The following FAM107B variants were observed in gnomAD, a reference collection of about 807,000 sequenced individuals.
FAM107B encodes family with sequence similarity 107 member B, also known as protein FAM107B.
A neutral mutation model predicts 31.5 loss-of-function variants in FAM107B; 21 were observed. The observed-to-expected ratio is 0.67, with a 90% CI of 0.47 to 0.96. The LOEUF is 0.96. FAM107B is among the 40% of genes least tolerant of loss of function. The pLI is 0.00. For missense variants in FAM107B, 452 were observed against 377.1 expected (o/e 1.20, Z -1.64); for synonymous variants, 157 against 141.5 (o/e 1.11, Z -0.78).
At chr10:14,534,921 G>C (rs929646595) in intron 2 of FAM107B, 11 of 152,226 alleles carry the variant, frequency 7.2e-5, no homozygotes, top group Non-Finnish European at 1.6e-4. Flanking sequence ...GCTAACGACA[G>C]AGGGTGTCCC....
intron 1 of FAM107B, among the ~76,000 whole-genome samples, chr10:14,686,580 C>A (rs1336063308): frequency 6.6e-6 from 1 of 152,148 alleles, no homozygotes; most frequent in African/African-American, 2.4e-5. Flanking sequence ...TCCTGTAGAA[C>A]CTTTCAGAAT....
intron 1 of FAM107B, among the ~76,000 whole-genome samples, chr10:14,736,106 C>T (rs965052042): frequency 6.6e-6 from 1 of 152,020 alleles, no homozygotes; most frequent in Non-Finnish European, 1.5e-5. Flanking sequence ...ATGGCAGTCC[C>T]CCTGTGTGGC....
intron 1 of FAM107B, among the ~76,000 whole-genome samples, chr10:14,683,152 A>C (rs1854881841): frequency 6.6e-6 from 1 of 152,214 alleles, no homozygotes; most frequent in Admixed American, 6.5e-5. Flanking sequence ...CTGTGCTCTC[A>C]GCAATATCAT....
At chr10:14,619,285 A>G (rs1211316068) in intron 2 of FAM107B, among the ~76,000 whole-genome samples, 1 of 152,220 alleles carries the variant, frequency 6.6e-6, no homozygotes, top group Non-Finnish European at 1.5e-5. Flanking sequence ...ACTTTTTCCC[A>G]AAGTGCCCAT....
intron 1 of FAM107B, among the ~76,000 whole-genome samples, chr10:14,749,740 C>G (rs1832791613): frequency 6.6e-6 from 1 of 152,202 alleles, no homozygotes; most frequent in South Asian, 2.1e-4. Flanking sequence ...GCACCATCCT[C>G]CCTACCATCC....
chr10:14,653,194 C>T (rs943743533), intron 2 of FAM107B, among the ~76,000 whole-genome samples: 1 of 152,190 alleles, frequency 6.6e-6, no homozygotes, highest in Admixed American at 6.5e-5. Flanking sequence ...AGAATCAGGC[C>T]TTTGCAAAAT....
At chr10:14,528,136 AGCATTTTCATACAC>A (rs1250154593) in intron 3 of FAM107B, 1 of 211,730 alleles carries the variant, frequency 4.7e-6, no homozygotes. Flanking sequence ...TATTATGTTA[AGCATTTTCATACAC>A]GCTATTATTT....
intron 2 of FAM107B, among the ~76,000 whole-genome samples, chr10:14,564,540 A>G (rs75062838): frequency 6.4e-4 from 98 of 152,174 alleles, no homozygotes; most frequent in African/African-American, 2.4e-3. Context: ...TATTATAAAA[A>G]CATTTTTGCT....
At chr10:14,569,569 C>T (rs915040657) in intron 2 of FAM107B, among the ~76,000 whole-genome samples, 1 of 152,134 alleles carries the variant, frequency 6.6e-6, no homozygotes, top group Non-Finnish European at 1.5e-5. Flanking sequence ...AACTCAAGAA[C>T]AACACAGGTA....
At chr10:14,550,715 T>A (rs1849177968) in intron 2 of FAM107B, among the ~76,000 whole-genome samples, 1 of 152,242 alleles carries the variant, frequency 6.6e-6, no homozygotes, top group Non-Finnish European at 1.5e-5. Flanking sequence ...GAACCCAGCA[T>A]CCTATCAGCT....
intron 2 of FAM107B, among the ~76,000 whole-genome samples, chr10:14,652,398 G>A (rs938687353): frequency 1.3e-5 from 2 of 152,180 alleles, no homozygotes; most frequent in African/African-American, 2.4e-5. Context: ...GTCCAGATAC[G>A]TATTGGTTTT....
intron 1 of FAM107B, among the ~76,000 whole-genome samples, chr10:14,764,963 G>A (rs895278422): frequency 2.0e-5 from 3 of 152,160 alleles, no homozygotes; most frequent in African/African-American, 7.2e-5. Flanking sequence ...TGCCGATGAA[G>A]GACGTCAACC....
At chr10:14,615,061 G>T (rs1028494682) in intron 2 of FAM107B, among the ~76,000 whole-genome samples, 3 of 152,140 alleles carry the variant, frequency 2.0e-5, no homozygotes, top group African/African-American at 7.2e-5. Context: ...GGGTGTGGTG[G>T]TTCACATCTG....
At chr10:14,570,102 GA>G (rs1367425842) in intron 2 of FAM107B, among the ~76,000 whole-genome samples, 1 of 152,244 alleles carries the variant, frequency 6.6e-6, no homozygotes, top group Admixed American at 6.5e-5. Flanking sequence ...CATTGCTACA[GA>G]AAAAAACTGT....
At chr10:14,555,919 ACACACACT>A (rs1289199381) in intron 2 of FAM107B, 1 of 154,890 alleles carries the variant, frequency 6.5e-6, no homozygotes, top group Admixed American at 6.5e-5. Context: ...ACACACACAC[ACACACACT>A]GGGCAGTGCA....
chr10:14,696,740 G>T (rs1210596687), intron 1 of FAM107B, among the ~76,000 whole-genome samples: 5 of 152,116 alleles, frequency 3.3e-5, no homozygotes. Context: ...TCTCAGAAAG[G>T]TGTCTATCTC....
chr10:14,736,787 T>C (rs969197208), intron 1 of FAM107B, among the ~76,000 whole-genome samples: 7 of 152,158 alleles, frequency 4.6e-5, no homozygotes, highest in African/African-American at 7.2e-5. Context: ...CATTCGACAG[T>C]AGAATTTTGA....
intron 2 of FAM107B, among the ~76,000 whole-genome samples, chr10:14,662,504 G>A (rs1854271508): frequency 6.6e-6 from 1 of 151,754 alleles, no homozygotes; most frequent in Admixed American, 6.6e-5. Context: ...AGCCTCCCCA[G>A]TAGCTGGGAC....
rs867817705 is a variant in FAM107B, at chr10:14,530,213, C to A, written c.653+119G>T. On this transcript the variant is annotated intron_variant, in intron 3 of 4. Transcript: ENST00000181796. ...TAGGATGTGAGAAGGAATAAGAAAGCCTTAACAAAGTGCAAGAAATCAAAG... is the reference window on the plus strand; with the variant it reads ...TAGGATGTGAGAAGGAATAAGAAAGACTTAACAAAGTGCAAGAAATCAAAG... The A allele has an allele frequency of 2.0e-5, 22 of 1,108,744 alleles. No homozygotes were observed. The African/African-American group carries it at 3.2e-4, about 16-fold the overall frequency. The allele number at this position is 1,108,744 out of a possible 1,614,324, so 68.7% of individuals were successfully genotyped here.
Sources: allele counts gnomAD v4.1 joint callset (sites outside exome capture counted in the v4.1 genomes callset), GRCh38; gene constraint gnomAD v4.1.1; transcripts MANE v1.5; gene names NCBI Gene and HGNC (gene_info 2026-07-23, HGNC 2026-07-21).